Variants in TAFA2 observed in about 807,000 individuals in gnomAD.
TAFA2 encodes chemokine-like protein TAFA-2.
A neutral mutation model predicts 18.8 loss-of-function variants in TAFA2; 7 were observed. The observed-to-expected ratio is 0.37, with a 90% confidence interval of 0.21 to 0.70. TAFA2 has a LOEUF of 0.70. Among genes scored for constraint, TAFA2 ranks in the 30% least tolerant of loss-of-function variants. TAFA2 has a pLI of 0.53. For synonymous variants in TAFA2, 60 were observed against 54.2 expected (o/e 1.11, Z -0.47); for missense variants, 122 against 158.1 (o/e 0.77, Z 1.23).
intron 1 of TAFA2, among the ~76,000 whole-genome samples, chr12:61,973,517 C>A (rs1178892678): frequency 1.3e-5 from 2 of 149,656 alleles, no homozygotes; most frequent in Non-Finnish European, 3.0e-5. Context: ...AATTTGTCTT[C>A]ACATTATTAG....
intron 1 of TAFA2, among the ~76,000 whole-genome samples, chr12:61,937,161 G>T (rs972857287): frequency 6.6e-6 from 1 of 151,928 alleles, no homozygotes; most frequent in East Asian, 1.9e-4. Flanking sequence ...CATATGACAC[G>T]AACAAATGGA....
chr12:62,013,821 G>A (rs1358156913), intron 1 of TAFA2, among the ~76,000 whole-genome samples: 1 of 152,048 alleles, frequency 6.6e-6, no homozygotes, highest in Non-Finnish European at 1.5e-5. Flanking sequence ...ATAATTTAAG[G>A]TCACCTTCAA....
Position 61,875,669 on chromosome 12 carries a change from T to C in TAFA2, c.-1-8243A>G, listed in dbSNP as rs375931099. On this transcript the variant is annotated intron_variant, in intron 1 of 4. Coordinates refer to ENST00000416284, the MANE Select transcript of TAFA2 (RefSeq NM_178539.5). ...GATGTTTGTAAAGGACAGGGCTGGA[T>C]AATTGAGATCTAGACAACACTAAAC... Among the ~76,000 whole-genome samples, 7 of 152,268 alleles carry C rather than the reference T, an allele frequency of 4.6e-5. 1 individual carries two copies. The highest frequency in any genetic ancestry group is 1.4e-4 in the African/African-American group (6 of 41,572).
intron 2 of TAFA2, among the ~76,000 whole-genome samples, chr12:61,864,118 C>T (rs1874242160): frequency 6.6e-6 from 1 of 152,096 alleles, no homozygotes; most frequent in Admixed American, 6.5e-5. Context: ...TCCAAAAAAC[C>T]CTGCCTAAGA....
At chr12:61,821,105 G>A (rs949411910) in intron 2 of TAFA2, among the ~76,000 whole-genome samples, 1 of 145,976 alleles carries the variant, frequency 6.9e-6, no homozygotes, top group Non-Finnish European at 1.5e-5. Flanking sequence ...TACCTATAGT[G>A]TTGACACTTC....
At chr12:61,761,194 A>G (rs1270259326) in intron 2 of TAFA2, among the ~76,000 whole-genome samples, 1 of 152,066 alleles carries the variant, frequency 6.6e-6, no homozygotes, top group Non-Finnish European at 1.5e-5. Context: ...ACGAAGTCCC[A>G]TAGGCATTTT....
At chr12:62,101,095 AC>A (rs1468745645) in intron 1 of TAFA2, among the ~76,000 whole-genome samples, 2 of 152,132 alleles carry the variant, frequency 1.3e-5, no homozygotes, top group Non-Finnish European at 2.9e-5. Context: ...TTAGTAGATT[AC>A]CCAACAACAA....
At chr12:61,833,278 A>T (rs1471495589) in intron 2 of TAFA2, among the ~76,000 whole-genome samples, 4 of 151,620 alleles carry the variant, frequency 2.6e-5, no homozygotes, top group Non-Finnish European at 5.9e-5. Context: ...CCCCAGAAAC[A>T]TTCAAATTTA....
chr12:61,722,150 G>T (rs79201333), intron 4 of TAFA2, among the ~76,000 whole-genome samples: 4,026 of 152,118 alleles, frequency 0.026, 168 homozygotes, highest in African/African-American at 0.092. Flanking sequence ...GAGGGGTTTT[G>T]GTTGTATAAG....
intron 2 of TAFA2, among the ~76,000 whole-genome samples, chr12:61,794,450 A>G (rs957058298): frequency 1.3e-5 from 2 of 152,098 alleles, no homozygotes; most frequent in Non-Finnish European, 2.9e-5. Context: ...GAAATACTTT[A>G]GGAGTAAACC....
intron 1 of TAFA2, chr12:62,140,110 T>C (rs1015015482): frequency 6.6e-6 from 1 of 152,206 alleles, no homozygotes. Context: ...ATGTGTTTTA[T>C]GAAGAGATTT....
At chr12:62,183,945 C>T (rs538047470) in intron 1 of TAFA2, among the ~76,000 whole-genome samples, 2 of 152,242 alleles carry the variant, frequency 1.3e-5, no homozygotes, top group African/African-American at 2.4e-5. Context: ...ACCTGAGACC[C>T]ATGACCTATC....
chr12:61,892,601 C>CT (rs1427224879), intron 1 of TAFA2, among the ~76,000 whole-genome samples: 1 of 152,202 alleles, frequency 6.6e-6, no homozygotes, highest in Non-Finnish European at 1.5e-5. Context: ...CTTTGTGAGG[C>CT]TGAGGCTGGC....
At chr12:61,744,762 G>A (rs1365589996) in intron 4 of TAFA2, among the ~76,000 whole-genome samples, 1 of 151,922 alleles carries the variant, frequency 6.6e-6, no homozygotes, top group Non-Finnish European at 1.5e-5. Flanking sequence ...TGTTGCCCAT[G>A]TTGGTCTTTA....
At chr12:61,858,037 A>G (rs371146817) in intron 2 of TAFA2, among the ~76,000 whole-genome samples, 1 of 152,206 alleles carries the variant, frequency 6.6e-6, no homozygotes, top group Non-Finnish European at 1.5e-5. Context: ...TCAGCCTCTC[A>G]GGCAGCTCTT....
At chr12:61,745,465 A>G (rs914517690) in intron 4 of TAFA2, among the ~76,000 whole-genome samples, 1 of 151,898 alleles carries the variant, frequency 6.6e-6, no homozygotes, top group Non-Finnish European at 1.5e-5. Context: ...CTTGTCCTCC[A>G]TTTAGCCATG....
At chr12:61,730,804 T>C (rs1418551209) in intron 4 of TAFA2, among the ~76,000 whole-genome samples, 2 of 152,106 alleles carry the variant, frequency 1.3e-5, no homozygotes, top group East Asian at 1.9e-4. Context: ...AGGCCTTCAG[T>C]GTACAGGGCT....
chr12:61,743,673 C>T (rs544275993), intron 4 of TAFA2, among the ~76,000 whole-genome samples: 27 of 152,222 alleles, frequency 1.8e-4, no homozygotes, highest in Non-Finnish European at 3.2e-4. Context: ...AAGTCCTGAA[C>T]AGCCTTGCAG....
intron 1 of TAFA2, among the ~76,000 whole-genome samples, chr12:62,077,597 A>T (rs1406339084): frequency 6.6e-5 from 10 of 152,208 alleles, no homozygotes; most frequent in African/African-American, 4.8e-5. Context: ...ATTATAAAGC[A>T]TGCAATAAAT....
Sources: allele counts gnomAD v4.1 joint callset (sites outside exome capture counted in the v4.1 genomes callset), GRCh38; gene constraint gnomAD v4.1.1; transcripts MANE v1.5; gene names NCBI Gene and HGNC (gene_info 2026-07-23, HGNC 2026-07-21).